Variants in CADM2 observed in about 807,000 individuals in gnomAD.
CADM2 encodes the protein cell adhesion molecule 2, also known as immunoglobulin superfamily member 4D.
CADM2 carries 12 observed loss-of-function variants against 49.8 expected under a neutral mutation model. The observed-to-expected ratio is 0.24, with a 90% CI of 0.15 to 0.39. CADM2 has a LOEUF of 0.39. Ranked by LOEUF, CADM2 falls within the 10% of genes least tolerant of loss-of-function variation. The pLI, the probability that CADM2 is intolerant of heterozygous loss-of-function variation, is 1.00. For missense variants in CADM2, 378 were observed against 492.3 expected, an observed-to-expected ratio of 0.77 and a Z score of 2.20; for synonymous variants, 214 against 175.4, an observed-to-expected ratio of 1.22 and a Z score of -1.74.
At chr3:85,040,303 C>G (rs2035384975) in intron 1 of CADM2, among the ~76,000 whole-genome samples, 1 of 152,044 alleles carries the variant, frequency 6.6e-6, no homozygotes, top group African/African-American at 2.4e-5. Flanking sequence ...ATTAAATATG[C>G]CGTACTTGGA....
intron 1 of CADM2, among the ~76,000 whole-genome samples, chr3:85,124,205 G>A (rs1031613305): frequency 2.4e-4 from 36 of 152,162 alleles, no homozygotes; most frequent in Non-Finnish European, 2.2e-4. Flanking sequence ...CCTTAAGAAG[G>A]ACGTTTATCT....
At chr3:85,955,094 G>A (rs1242626756) in intron 7 of CADM2, among the ~76,000 whole-genome samples, 2 of 151,320 alleles carry the variant, frequency 1.3e-5, no homozygotes, top group African/African-American at 4.8e-5. Flanking sequence ...ATTCTGCTTT[G>A]TCTTAAAGGA....
At chr3:85,363,434 C>T (rs1489588300) in intron 1 of CADM2, among the ~76,000 whole-genome samples, 1 of 151,930 alleles carries the variant, frequency 6.6e-6, no homozygotes, top group African/African-American at 2.4e-5. Flanking sequence ...TTGAGCTGAG[C>T]TAAAATTAAA....
At chr3:85,969,947 G>C (rs1403753326) in intron 8 of CADM2, among the ~76,000 whole-genome samples, 1 of 131,460 alleles carries the variant, frequency 7.6e-6, no homozygotes, top group Non-Finnish European at 1.6e-5. Flanking sequence ...ATATACAGGG[G>C]TGTGTTTGTG....
At chr3:85,640,520 A>C (rs920095366) in intron 1 of CADM2, among the ~76,000 whole-genome samples, 1 of 152,214 alleles carries the variant, frequency 6.6e-6, no homozygotes, top group Admixed American at 6.5e-5. Flanking sequence ...TTAGTATTCC[A>C]TGCATCAGTA....
intron 1 of CADM2, among the ~76,000 whole-genome samples, chr3:85,061,957 C>T (rs7630382): frequency 0.37 from 55,938 of 151,424 alleles, 13,413 homozygotes; most frequent in Non-Finnish European, 0.54. Flanking sequence ...AAAAATATTT[C>T]AAGAAATATC....
intron 1 of CADM2, among the ~76,000 whole-genome samples, chr3:85,101,572 A>C (rs774747459): frequency 6.6e-6 from 1 of 152,202 alleles, no homozygotes; most frequent in Non-Finnish European, 1.5e-5. Flanking sequence ...TAAAATCATC[A>C]AACATACTGG....
At chr3:85,861,968 C>T (rs890306941) in intron 3 of CADM2, among the ~76,000 whole-genome samples, 7 of 152,006 alleles carry the variant, frequency 4.6e-5, no homozygotes, top group Admixed American at 4.6e-4. Context: ...ATATTGACAT[C>T]CCTTCCATCC....
intron 1 of CADM2, among the ~76,000 whole-genome samples, chr3:85,295,719 T>C (rs9872789): frequency 0.32 from 49,185 of 151,812 alleles, 10,334 homozygotes; most frequent in Non-Finnish European, 0.47. Context: ...CAGGTGGGAA[T>C]TGAACAATTA....
At chr3:86,001,786 T>A (rs958384468) in intron 8 of CADM2, among the ~76,000 whole-genome samples, 1 of 152,150 alleles carries the variant, frequency 6.6e-6, no homozygotes, top group African/African-American at 2.4e-5. Context: ...GAAAGGTTTT[T>A]AAATGATCAA....
intron 8 of CADM2, among the ~76,000 whole-genome samples, chr3:86,065,336 T>C (rs547525565): frequency 6.6e-6 from 1 of 152,338 alleles, no homozygotes; most frequent in African/African-American, 2.4e-5. Flanking sequence ...GAAAGGTCTA[T>C]AGCTATACAA....
intron 1 of CADM2, among the ~76,000 whole-genome samples, chr3:85,143,548 C>T (rs1002149256): frequency 1.3e-5 from 2 of 152,148 alleles, no homozygotes; most frequent in Non-Finnish European, 2.9e-5. Context: ...ACCTTTTCAC[C>T]TAATTACCAA....
At chr3:85,410,394 T>C (rs2035600077) in intron 1 of CADM2, among the ~76,000 whole-genome samples, 1 of 152,192 alleles carries the variant, frequency 6.6e-6, no homozygotes, top group South Asian at 2.1e-4. Context: ...ATTTCCATTT[T>C]AAACCTATCT....
At chr3:85,069,081 C>T (rs967800539) in intron 1 of CADM2, among the ~76,000 whole-genome samples, 1 of 151,834 alleles carries the variant, frequency 6.6e-6, no homozygotes, top group Admixed American at 6.6e-5. Context: ...GTGAATGGCT[C>T]AATTATGGCC....
chr3:85,561,826 G>A (rs2167045), intron 1 of CADM2, among the ~76,000 whole-genome samples: 77,914 of 151,950 alleles, frequency 0.51, 23,047 homozygotes, highest in East Asian at 0.85. Flanking sequence ...TCTAATTTAA[G>A]ACTTTATTCA....
intron 7 of CADM2, among the ~76,000 whole-genome samples, chr3:85,940,154 A>C (rs1051598249): frequency 8.2e-6 from 1 of 121,846 alleles, no homozygotes; most frequent in African/African-American, 3.4e-5. Context: ...CCCCATCTCT[A>C]CTAAAAATAC....
chr3:86,015,903 C>G (rs1732159000), intron 8 of CADM2, among the ~76,000 whole-genome samples: 1 of 152,058 alleles, frequency 6.6e-6, no homozygotes, highest in Non-Finnish European at 1.5e-5. Flanking sequence ...ATAAGCAAAA[C>G]CTGGAAAACC....
At chr3:85,668,811 G>A (rs2065651564) in intron 1 of CADM2, among the ~76,000 whole-genome samples, 1 of 152,094 alleles carries the variant, frequency 6.6e-6, no homozygotes, top group African/African-American at 2.4e-5. Context: ...TCATCTATTT[G>A]AGTGTAAATG....
rs565484516 is a variant in CADM2 at position 85,550,973 on chromosome 3, T to C, written c.62-175549T>C. Among the ~76,000 whole-genome samples the C allele has an allele frequency of 4.0e-4, 61 of 151,766 alleles. No individual in the cohort carries two copies. The East Asian group carries it at 0.01, about 25-fold the overall frequency. On this transcript the variant is annotated intron_variant, in intron 1 of 9. Coordinates refer to ENST00000383699, the MANE Select transcript of CADM2 (RefSeq NM_001167675.2). ...ATTGATTTTAATTTATTTATTTGTT[T>C]GTTTGTTTATTTATTTATTTATTTA...
Sources: gnomAD v4.1 joint callset for allele counts (sites outside exome capture counted in the v4.1 genomes callset) on GRCh38, gnomAD v4.1.1 for gene constraint, MANE v1.5 for transcripts, NCBI Gene and HGNC (gene_info 2026-07-23, HGNC 2026-07-21) for gene names.